Variants in EDC3 observed in about 807,000 individuals in gnomAD.
The protein encoded by EDC3 is enhancer of mRNA decapping 3, also known as enhancer of mRNA-decapping protein 3.
In EDC3, 20 loss-of-function variants were observed where a neutral mutation model predicts 41.8. That is an observed-to-expected ratio of 0.48 (90% CI 0.34 to 0.70). EDC3 has a LOEUF of 0.70. EDC3 is among the 30% of genes least tolerant of loss of function. The pLI is 0.01. For synonymous variants in EDC3, 206 were observed against 243.2 expected, an observed-to-expected ratio of 0.85 and a Z score of 1.42; for missense variants, 444 against 636.8, an observed-to-expected ratio of 0.70 and a Z score of 3.26.
rs990966922 is a variant in EDC3, at chr15:74,675,140, C to T, written c.-16G>A. Reference sequence around the variant, plus strand: ...CTGTAGCCATGTTTCACACGTGAGACCACTGTGAAGAGAAGGAACTATTCA... The same window carrying T: ...CTGTAGCCATGTTTCACACGTGAGATCACTGTGAAGAGAAGGAACTATTCA... On this transcript the variant is annotated splice_region_variant and 5_prime_UTR_variant, in exon 2 of 7. It introduces an in-frame stop codon into an upstream open reading frame of the 5' UTR. Coordinates refer to ENST00000315127, the MANE Select transcript of EDC3 (RefSeq NM_025083.5). The T allele has an allele frequency of 6.2e-7, 1 of 1,611,858 alleles. No individual in the cohort carries two copies. The highest frequency in any genetic ancestry group is 8.5e-7 in the Non-Finnish European group (1 of 1,179,962).
rs997353291 is a variant in EDC3, at chr15:74,678,851, T to C, written c.-18-3709A>G. Among the ~76,000 whole-genome samples the C allele has an allele frequency of 5.3e-4, 78 of 147,658 alleles. 1 individual carries two copies. The highest frequency in any genetic ancestry group is 7.4e-3 in the Middle Eastern group (2 of 272). ...GTTGCAGTGAGCTGAGATCACACCATTGCACTACAGCTTGGGCGACAGAGC... is the reference window on the plus strand; with the variant it reads ...GTTGCAGTGAGCTGAGATCACACCACTGCACTACAGCTTGGGCGACAGAGC... On this transcript the variant is annotated intron_variant, in intron 1 of 6. Coordinates refer to ENST00000315127, the MANE Select transcript of EDC3 (RefSeq NM_025083.5).
intron 3 of EDC3, among the ~76,000 whole-genome samples, chr15:74,662,445 T>TAA (rs962074345): frequency 1.7e-3 from 249 of 148,182 alleles, no homozygotes; most frequent in Admixed American, 4.0e-3. Flanking sequence ...ATTTTTTTTT[T>TAA]AAAAAGCAAA....
chr15:74,660,550 G>T (rs955599071), intron 3 of EDC3, among the ~76,000 whole-genome samples: 6 of 151,740 alleles, frequency 4.0e-5, no homozygotes, highest in Non-Finnish European at 8.8e-5. Context: ...GGATCAGGAA[G>T]ACAGAATGGG....
chr15:74,660,607 C>A (rs1208582066), intron 3 of EDC3, among the ~76,000 whole-genome samples: 1 of 151,668 alleles, frequency 6.6e-6, no homozygotes, highest in South Asian at 2.1e-4. Context: ...TATACACAGA[C>A]AAGGGAAGAA....
chr15:74,655,777 C>G lies in EDC3; in HGVS notation c.776G>C (p.Arg259Pro). 6.2e-7 allele frequency: 1 copy of G among 1,614,088 alleles called. No homozygotes were observed. Reference protein sequence around the residue: ...NILESEPIVYRRIIVPHNVSK... With the variant: ...NILESEPIVYPRIIVPHNVSK... ...CACGTTGTGGGGCACTATGATCCGT[C>G]GATAGACAATGGGCTCGGACTCCAA... The change falls in exon 4 of 7, where the codon CGA becomes CCA. Residue 259 changes from arginine to proline, a missense_variant. By Grantham distance (103) the Arg-to-Pro change is moderately radical. Transcript: ENST00000315127.
chr15:74,649,231 A>AT (rs954111687), intron 4 of EDC3, among the ~76,000 whole-genome samples: 53 of 147,204 alleles, frequency 3.6e-4, no homozygotes, highest in East Asian at 8.0e-4. Context: ...CGCCCGGCTA[A>AT]TTTTTTTTTT....
intron 5 of EDC3, chr15:74,636,903 C>G (rs2141574970): frequency 6.6e-6 from 1 of 152,292 alleles, no homozygotes; most frequent in Non-Finnish European, 1.5e-5. Flanking sequence ...CCTCTCCCAC[C>G]CCCAATCAAA....
chr15:74,649,017 C>A (rs989640039), intron 4 of EDC3, among the ~76,000 whole-genome samples: 1 of 151,572 alleles, frequency 6.6e-6, no homozygotes, highest in Non-Finnish European at 1.5e-5. Flanking sequence ...CTGTGCCTCC[C>A]GAGTAGCTGG....
chr15:74,682,617 CAAAA>C lies in EDC3; in HGVS notation c.-18-7479_-18-7476del, dbSNP rs61528385. 2.6e-3 allele frequency among the ~76,000 whole-genome samples: 157 copies of C among 60,580 alleles called. 2 individuals are homozygous for C. Among genetic ancestry groups the C allele is most frequent in the Middle Eastern group, 9.4e-3 (1 of 106 alleles). The allele number at this position is 60,580 out of a possible 152,430, so 39.7% of individuals were successfully genotyped here. A position where few individuals can be genotyped will look rare whatever the true frequency, so the allele number is the denominator to read the frequency against. Reference sequence around the variant, plus strand: ...TGGGCAACAGAGCAAGACTCCATCTCAAAAAAAAAAAAAAAAAAAACCAAAAAAC... The same window carrying C: ...TGGGCAACAGAGCAAGACTCCATCTCAAAAAAAAAAAAAAAACCAAAAAAC... On this transcript the variant is annotated intron_variant, in intron 1 of 6. Coordinates refer to ENST00000315127, the MANE Select transcript of EDC3 (RefSeq NM_025083.5).
chr15:74,658,282 C>T (rs1426546686), intron 3 of EDC3, among the ~76,000 whole-genome samples: 1 of 152,168 alleles, frequency 6.6e-6, no homozygotes, highest in Non-Finnish European at 1.5e-5. Context: ...CTCACATATA[C>T]TAAACCAACT....
intron 6 of EDC3, among the ~76,000 whole-genome samples, chr15:74,633,854 G>C (rs771507935): frequency 9.9e-5 from 15 of 152,178 alleles, no homozygotes; most frequent in Non-Finnish European, 1.5e-4. Context: ...TTCTCAGCTA[G>C]AGACTCACAA....
At chr15:74,664,522 A>T (rs1159111506) in intron 3 of EDC3, among the ~76,000 whole-genome samples, 2 of 152,204 alleles carry the variant, frequency 1.3e-5, no homozygotes, top group African/African-American at 4.8e-5. Context: ...AGTGCCACTT[A>T]TTTATTGGTT....
intron 1 of EDC3, among the ~76,000 whole-genome samples, chr15:74,687,402 C>T (rs1257758396): frequency 6.6e-6 from 1 of 152,146 alleles, no homozygotes; most frequent in Non-Finnish European, 1.5e-5. Flanking sequence ...GAAACAGAGC[C>T]TTGCTCTGTC....
intron 5 of EDC3, chr15:74,638,013 C>G (rs575207984): frequency 2.0e-5 from 3 of 152,210 alleles, no homozygotes; most frequent in African/African-American, 7.2e-5. Context: ...TCCTCTTTAC[C>G]GAAAAATCCA....
In EDC3 at chr15:74,630,648, C is replaced by T. The variant is rs1596294165; in HGVS notation, c.*1964G>A. 6.6e-6 allele frequency: 1 copy of T among 152,396 alleles called. No homozygotes were observed. The highest frequency in any genetic ancestry group is 3.4e-3 in the Middle Eastern group (1 of 294). 9.4% of individuals were successfully genotyped at this position (152,396 alleles called of 1,614,324 possible). Reference sequence around the variant, plus strand: ...GGCTTCACCACGTGACTGGGGGCCCCTTGGGAACTGGGTACTATGGGCAGG... The same window carrying T: ...GGCTTCACCACGTGACTGGGGGCCCTTTGGGAACTGGGTACTATGGGCAGG... On this transcript the variant is annotated 3_prime_UTR_variant, in exon 7 of 7. Coordinates refer to ENST00000315127, the MANE Select transcript of EDC3 (RefSeq NM_025083.5).
intron 4 of EDC3, chr15:74,644,343 C>G (rs2062388042): frequency 1.3e-5 from 2 of 152,392 alleles, no homozygotes; most frequent in African/African-American, 2.4e-5. Context: ...GCTCTATTCT[C>G]TCTTCCAATG....
At chr15:74,676,498 ATAT>A (rs1235830613) in intron 1 of EDC3, among the ~76,000 whole-genome samples, 7 of 152,272 alleles carry the variant, frequency 4.6e-5, no homozygotes, top group South Asian at 2.1e-4. Flanking sequence ...GATAAAACAC[ATAT>A]TATTAATATC....
chr15:74,679,862 G>C (rs2062850444), intron 1 of EDC3: 1 of 151,710 alleles, frequency 6.6e-6, no homozygotes, highest in African/African-American at 2.4e-5. Flanking sequence ...ATGAGTCAGT[G>C]GATGGAGTGA....
rs189497300 is a variant in EDC3 at position 74,655,859 on chromosome 15, G to C, written c.694C>G (p.Arg232Gly). 6.2e-7 allele frequency: 1 copy of C among 1,613,952 alleles called. No homozygotes were observed. Among genetic ancestry groups the C allele is most frequent in the Non-Finnish European group, 8.5e-7 (1 of 1,180,024 alleles). The change falls in exon 4 of 7, where the codon CGT becomes GGT. Residue 232 changes from arginine (R) to glycine (G), a missense_variant. Transcript: ENST00000315127. ...IDTYERRSGT[R>G]SRGIPNERPT... Reference sequence around the variant, plus strand: ...CTTTCATTTGGGATGCCCCGGGAACGGGTACCACTTCTCCTTTCATAGGTA... The same window carrying C: ...CTTTCATTTGGGATGCCCCGGGAACCGGTACCACTTCTCCTTTCATAGGTA...
Sources: allele counts gnomAD v4.1 joint callset (sites outside exome capture counted in the v4.1 genomes callset), GRCh38; gene constraint gnomAD v4.1.1; transcripts MANE v1.5; gene names NCBI Gene and HGNC (gene_info 2026-07-23, HGNC 2026-07-21).